Variants in CADM2 observed in about 807,000 individuals in gnomAD.
CADM2 encodes cell adhesion molecule 2.
CADM2 carries 12 observed loss-of-function variants against 49.8 expected under a neutral mutation model. The observed-to-expected ratio is 0.24, with a 90% CI of 0.15 to 0.39. CADM2 has a LOEUF of 0.39. Among genes scored for constraint, CADM2 ranks in the 10% least tolerant of loss-of-function variants. The probability of loss-of-function intolerance (pLI) is 1.00; values close to 1 mark genes in which losing one functional copy is unlikely to be tolerated. For missense variants in CADM2, 378 were observed against 492.3 expected (o/e 0.77, Z 2.20); for synonymous variants, 214 against 175.4 (o/e 1.22, Z -1.74).
At chr3:85,776,749 C>A (rs2107975681) in intron 2 of CADM2, among the ~76,000 whole-genome samples, 1 of 152,084 alleles carries the variant, frequency 6.6e-6, no homozygotes. Flanking sequence ...TATTAGATTT[C>A]TAATGCCTTA....
intron 7 of CADM2, among the ~76,000 whole-genome samples, chr3:85,949,481 G>A (rs2108582128): frequency 6.6e-6 from 1 of 151,316 alleles, no homozygotes; most frequent in African/African-American, 2.4e-5. Flanking sequence ...ATATAAAAAT[G>A]TGTGTTCAAA....
At chr3:85,556,595 C>G (rs554836926) in intron 1 of CADM2, among the ~76,000 whole-genome samples, 1 of 152,264 alleles carries the variant, frequency 6.6e-6, no homozygotes, top group Non-Finnish European at 1.5e-5. Flanking sequence ...AACCTTGAAA[C>G]TTACCTCGAA....
chr3:85,357,370 A>G (rs920513218), intron 1 of CADM2, among the ~76,000 whole-genome samples: 8 of 152,088 alleles, frequency 5.3e-5, no homozygotes, highest in African/African-American at 1.4e-4. Context: ...TCAAAAAATT[A>G]TTTCTGATTC....
At chr3:85,337,965 T>G (rs1259454459) in intron 1 of CADM2, among the ~76,000 whole-genome samples, 2 of 151,702 alleles carry the variant, frequency 1.3e-5, no homozygotes, top group African/African-American at 4.8e-5. Context: ...TTACAGTGTT[T>G]GAAACATATT....
At chr3:85,249,838 T>C (rs2042734507) in intron 1 of CADM2, among the ~76,000 whole-genome samples, 1 of 151,898 alleles carries the variant, frequency 6.6e-6, no homozygotes, top group African/African-American at 2.4e-5. Flanking sequence ...AACCAGACAT[T>C]CTTGATATTC....
At chr3:85,783,251 A>T (rs2070765626) in intron 2 of CADM2, among the ~76,000 whole-genome samples, 1 of 152,214 alleles carries the variant, frequency 6.6e-6, no homozygotes, top group South Asian at 2.1e-4. Flanking sequence ...AGCAGAGTTT[A>T]TAAGATTTGG....
chr3:85,344,862 C>T lies in CADM2; in HGVS notation c.62-381660C>T, dbSNP rs547286143. Among the ~76,000 whole-genome samples, 215 of 152,160 alleles carry T rather than the reference C, an allele frequency of 1.4e-3. No homozygotes were observed. In the Middle Eastern group the frequency reaches 0.017, roughly 12 times the overall value. ...TTCAGATAAGAAAGCCATAATTATA[C>T]ATAATTTTCTCACCAAAAATAACCT... is the stretch of plus-strand genomic sequence containing the variant. On this transcript the variant is annotated intron_variant, in intron 1 of 9. Transcript: ENST00000383699.
chr3:85,813,040 T>C (rs2072981187), intron 3 of CADM2, among the ~76,000 whole-genome samples: 1 of 152,210 alleles, frequency 6.6e-6, no homozygotes, highest in Admixed American at 6.5e-5. Flanking sequence ...AGTAGAATAA[T>C]TTATAATCCT....
intron 1 of CADM2, among the ~76,000 whole-genome samples, chr3:85,215,614 GT>G: frequency 6.6e-6 from 1 of 151,932 alleles, no homozygotes; most frequent in African/African-American, 2.4e-5. Flanking sequence ...TGCACCCCTA[GT>G]CCCCTGGATT....
At chr3:85,046,814 A>G (rs1387225715) in intron 1 of CADM2, among the ~76,000 whole-genome samples, 1 of 152,108 alleles carries the variant, frequency 6.6e-6, no homozygotes, top group Non-Finnish European at 1.5e-5. Context: ...ATTTTTAAAT[A>G]CTATTCATTA....
chr3:85,711,932 A>G (rs2067132297), intron 1 of CADM2, among the ~76,000 whole-genome samples: 1 of 152,196 alleles, frequency 6.6e-6, no homozygotes, highest in Non-Finnish European at 1.5e-5. Flanking sequence ...ATTAGAAGTC[A>G]AAAGCCAGCA....
At chr3:86,026,482 G>A (rs1326788709) in intron 8 of CADM2, among the ~76,000 whole-genome samples, 1 of 152,066 alleles carries the variant, frequency 6.6e-6, no homozygotes, top group African/African-American at 2.4e-5. Flanking sequence ...AAGCAAGAAA[G>A]CACTATAGAA....
chr3:85,624,198 A>AT (rs1414712437), intron 1 of CADM2, among the ~76,000 whole-genome samples: 2 of 152,072 alleles, frequency 1.3e-5, no homozygotes, highest in Non-Finnish European at 2.9e-5. Flanking sequence ...TCTTTTTGAC[A>AT]TTTTTTGGTC....
chr3:85,521,263 T>C (rs1392163975), intron 1 of CADM2, among the ~76,000 whole-genome samples: 1 of 152,148 alleles, frequency 6.6e-6, no homozygotes, highest in African/African-American at 2.4e-5. Flanking sequence ...ATTTTTATTA[T>C]TTTCCTTGAT....
chr3:85,524,124 C>T (rs2061100210), intron 1 of CADM2, among the ~76,000 whole-genome samples: 1 of 152,114 alleles, frequency 6.6e-6, no homozygotes, highest in African/African-American at 2.4e-5. Flanking sequence ...TTACCATCCC[C>T]AAAATAAATT....
chr3:85,981,844 C>T (rs1727524460), intron 8 of CADM2, among the ~76,000 whole-genome samples: 1 of 151,630 alleles, frequency 6.6e-6, no homozygotes, highest in South Asian at 2.1e-4. Context: ...TATGGTAGAA[C>T]AATTTATATT....
At chr3:85,096,769 T>C (rs943489079) in intron 1 of CADM2, among the ~76,000 whole-genome samples, 2 of 152,176 alleles carry the variant, frequency 1.3e-5, no homozygotes, top group African/African-American at 4.8e-5. Context: ...ATGTACTCCA[T>C]TCTACAGCAA....
At chr3:86,047,593 T>G (rs982956150) in intron 8 of CADM2, among the ~76,000 whole-genome samples, 1 of 152,142 alleles carries the variant, frequency 6.6e-6, no homozygotes, top group Admixed American at 6.5e-5. Flanking sequence ...TGAAGTAAAG[T>G]AAAAGCTTAG....
chr3:85,875,704 T>C (rs952200238), intron 3 of CADM2, among the ~76,000 whole-genome samples: 8 of 151,942 alleles, frequency 5.3e-5, no homozygotes, highest in African/African-American at 1.9e-4. Flanking sequence ...GAGAAAGCAA[T>C]AGGAGTAAAG....
Sources: allele counts gnomAD v4.1 joint callset (sites outside exome capture counted in the v4.1 genomes callset), GRCh38; gene constraint gnomAD v4.1.1; transcripts MANE v1.5; gene names NCBI Gene and HGNC (gene_info 2026-07-23, HGNC 2026-07-21).